The following IPMK variants were observed in gnomAD, a reference collection of about 807,000 sequenced individuals.
IPMK encodes the protein inositol polyphosphate multikinase, also known as inositol 1,3,4,6-tetrakisphosphate 5-kinase.
Under a neutral mutation model 45.8 loss-of-function variants are expected in IPMK, and 17 were observed. That is an observed-to-expected ratio of 0.37 (90% CI 0.25 to 0.56). The LOEUF (loss-of-function observed/expected upper bound fraction) is 0.56, where lower values mean the gene tolerates loss of function less well. Among genes scored for constraint, IPMK ranks in the 20% least tolerant of loss-of-function variants. IPMK has a pLI of 0.79. For missense variants in IPMK, 399 were observed against 498.0 expected (o/e 0.80, Z 1.89); for synonymous variants, 180 against 184.3 (o/e 0.98, Z 0.19).
At chr10:58,197,049 C>A (rs1837905801) in intron 5 of IPMK, among the ~76,000 whole-genome samples, 1 of 152,088 alleles carries the variant, frequency 6.6e-6, no homozygotes, top group East Asian at 1.9e-4. Flanking sequence ...GCCTGTAATC[C>A]CAGCACTTTG....
At chr10:58,215,361 C>T (rs1293767112) in intron 4 of IPMK, among the ~76,000 whole-genome samples, 2 of 151,280 alleles carry the variant, frequency 1.3e-5, no homozygotes, top group African/African-American at 4.9e-5. Context: ...CTGTTTTAAC[C>T]CCAAAAGTCT....
intron 1 of IPMK, among the ~76,000 whole-genome samples, chr10:58,245,390 G>C (rs539021297): frequency 6.6e-6 from 1 of 151,980 alleles, no homozygotes; most frequent in Non-Finnish European, 1.5e-5. Flanking sequence ...AAGACAGCCG[G>C]ATCACGAGGT....
chr10:58,211,919 A>ATAAAATAAAAAAAT (rs1554823048), intron 4 of IPMK, among the ~76,000 whole-genome samples: 1 of 148,284 alleles, frequency 6.7e-6, no homozygotes, highest in African/African-American at 2.6e-5. Context: ...AAAAAAAAAA[A>ATAAAATAAAAAAAT]AAAAAATTTG....
chr10:58,226,680 G>C (rs540814316), intron 3 of IPMK, among the ~76,000 whole-genome samples: 8 of 152,258 alleles, frequency 5.3e-5, no homozygotes, highest in African/African-American at 1.9e-4. Context: ...CAGGATAAGA[G>C]ACTGGGAGGA....
chr10:58,201,953 G>T, intron 4 of IPMK, among the ~76,000 whole-genome samples: 1 of 152,174 alleles, frequency 6.6e-6, no homozygotes, highest in Admixed American at 6.5e-5. Flanking sequence ...CTAATCCAGG[G>T]TAAGACTCTC....
At chr10:58,230,880 G>A (rs150393511) in intron 2 of IPMK, among the ~76,000 whole-genome samples, 12 of 152,116 alleles carry the variant, frequency 7.9e-5, no homozygotes, top group African/African-American at 2.4e-4. Context: ...AAACTTCTCC[G>A]AGCTAAAGGA....
intron 3 of IPMK, among the ~76,000 whole-genome samples, chr10:58,217,631 T>C (rs899124891): frequency 2.2e-5 from 3 of 133,534 alleles, no homozygotes; most frequent in African/African-American, 9.0e-5. Context: ...GAGGTTGTGG[T>C]GAGCCGAGAT....
At chr10:58,263,830 C>T (rs902634505) in intron 1 of IPMK, among the ~76,000 whole-genome samples, 2 of 152,172 alleles carry the variant, frequency 1.3e-5, no homozygotes, top group African/African-American at 2.4e-5. Flanking sequence ...TGAATCCCAT[C>T]GTAAGGAACT....
rs571256565 is a variant in IPMK at position 58,267,467 on chromosome 10, G to C, written c.145C>G (p.Leu49Val). Residue 49 changes from leucine (L) to valine (V), a missense_variant, in exon 1 of 6, where the codon CTC (leucine) becomes GTC (valine). By Grantham distance (32) the Leu-to-Val change is conservative. Transcript: ENST00000373935. ...ATGTGCCCGGCCACCTGATGCGAGA[G>C]GGGCACGCAGCCGTTGAGGAAGCGG... ...RLRFLNGCVPLSHQVAGHMYG... is the reference protein window; with the variant it reads ...RLRFLNGCVPVSHQVAGHMYG... 1 of 1,613,674 alleles carries C rather than the reference G, an allele frequency of 6.2e-7. No individual in the cohort carries two copies. The highest frequency in any genetic ancestry group is 8.5e-7 in the Non-Finnish European group (1 of 1,179,888).
intron 4 of IPMK, among the ~76,000 whole-genome samples, chr10:58,208,960 T>C (rs1405013287): frequency 2.6e-5 from 4 of 152,200 alleles, no homozygotes; most frequent in African/African-American, 7.2e-5. Context: ...GAGTGGGAAC[T>C]ACCACAGCTT....
At chr10:58,204,501 A>G (rs1277271949) in intron 4 of IPMK, among the ~76,000 whole-genome samples, 1 of 152,160 alleles carries the variant, frequency 6.6e-6, no homozygotes, top group Non-Finnish European at 1.5e-5. Flanking sequence ...TGAAAAAGAG[A>G]GCAAAGCTGA....
intron 1 of IPMK, among the ~76,000 whole-genome samples, chr10:58,247,569 AC>A: frequency 6.6e-6 from 1 of 151,780 alleles, no homozygotes; most frequent in East Asian, 1.9e-4. Flanking sequence ...AAAACCAAAC[AC>A]CACATATTCT....
chr10:58,242,984 CTTCCA>C (rs1838718883), intron 1 of IPMK, among the ~76,000 whole-genome samples: 2 of 152,254 alleles, frequency 1.3e-5, no homozygotes, highest in Middle Eastern at 6.8e-3. Flanking sequence ...AGGTGCTTGC[CTTCCA>C]CCATGATTGA....
intron 1 of IPMK, among the ~76,000 whole-genome samples, chr10:58,256,332 G>A (rs1247941207): frequency 1.3e-5 from 2 of 152,182 alleles, no homozygotes; most frequent in African/African-American, 4.8e-5. Flanking sequence ...GCCTTATGCG[G>A]TTGAAGATAA....
chr10:58,220,134 C>T (rs1588958055), intron 3 of IPMK, among the ~76,000 whole-genome samples: 1 of 152,174 alleles, frequency 6.6e-6, no homozygotes, highest in East Asian at 1.9e-4. Flanking sequence ...CAGAGAAAAC[C>T]TGTTGCTGAC....
intron 1 of IPMK, among the ~76,000 whole-genome samples, chr10:58,264,033 A>C (rs1416376332): frequency 3.3e-5 from 5 of 152,218 alleles, no homozygotes; most frequent in Admixed American, 6.5e-5. Flanking sequence ...GATAAAAGAC[A>C]TTACAGTATT....
intron 4 of IPMK, among the ~76,000 whole-genome samples, chr10:58,201,552 C>G (rs897119838): frequency 5.3e-5 from 8 of 152,152 alleles, no homozygotes; most frequent in African/African-American, 9.7e-5. Flanking sequence ...TTCCTCTCTT[C>G]AGGCCTCCCT....
chr10:58,238,838 T>G (rs964386426), intron 1 of IPMK, among the ~76,000 whole-genome samples: 1 of 141,006 alleles, frequency 7.1e-6, no homozygotes, highest in African/African-American at 3.1e-5. Flanking sequence ...AGAAATCAAG[T>G]TTGTTTTTTG....
At chr10:58,248,524 A>G (rs1838836207) in intron 1 of IPMK, among the ~76,000 whole-genome samples, 1 of 152,186 alleles carries the variant, frequency 6.6e-6, no homozygotes. Context: ...TGTATCCATC[A>G]CCTCAAACAC....
Sources: gnomAD v4.1 joint callset for allele counts (sites outside exome capture counted in the v4.1 genomes callset) on GRCh38, gnomAD v4.1.1 for gene constraint, MANE v1.5 for transcripts, NCBI Gene and HGNC (gene_info 2026-07-23, HGNC 2026-07-21) for gene names.